SNX29: variants seen among roughly 807,000 people sequenced by gnomAD.
The protein encoded by SNX29 is sorting nexin-29.
SNX29 carries 78 observed loss-of-function variants against 102.1 expected under a neutral mutation model. The ratio of observed to expected loss-of-function variants is 0.76; its 90% CI spans 0.64 to 0.92. The LOEUF is 0.92. SNX29 is among the 40% of genes least tolerant of loss of function. SNX29 has a pLI of 0.00. For missense variants in SNX29, 1,280 were observed against 1,061.7 expected (o/e 1.21, Z -2.86); for synonymous variants, 580 against 414.5 (o/e 1.40, Z -4.85).
intron 15 of SNX29, among the ~76,000 whole-genome samples, chr16:12,307,702 G>A (rs1567421008): frequency 6.6e-6 from 1 of 152,226 alleles, no homozygotes; most frequent in Non-Finnish European, 1.5e-5. Context: ...AATCTGTCTT[G>A]AGGGCCTGCC....
At chr16:12,553,770 T>C (rs1011477014) in intron 20 of SNX29, among the ~76,000 whole-genome samples, 1 of 151,998 alleles carries the variant, frequency 6.6e-6, no homozygotes, top group African/African-American at 2.4e-5. Context: ...TTTCCTTAAG[T>C]ACAGACAGGG....
At chr16:12,117,226 A>G (rs1350862041) in intron 11 of SNX29, among the ~76,000 whole-genome samples, 47 of 144,678 alleles carry the variant, frequency 3.2e-4, no homozygotes, top group African/African-American at 1.1e-3. Context: ...GGCATGGTCA[A>G]TACGTGCTTC....
At chr16:12,435,984 C>A (rs914803076) in intron 18 of SNX29, among the ~76,000 whole-genome samples, 4 of 152,164 alleles carry the variant, frequency 2.6e-5, no homozygotes, top group African/African-American at 4.8e-5. Flanking sequence ...AGGGTCTGGG[C>A]CTTGGGGTTG....
chr16:12,291,370 GTCAGA>G (rs2079787417), intron 15 of SNX29, among the ~76,000 whole-genome samples: 2 of 152,166 alleles, frequency 1.3e-5, no homozygotes, highest in African/African-American at 4.8e-5. Flanking sequence ...TTATACAACT[GTCAGA>G]TCTCGTGAGA....
chr16:12,454,211 C>T (rs190399997), intron 18 of SNX29, among the ~76,000 whole-genome samples: 244 of 152,236 alleles, frequency 1.6e-3, no homozygotes, highest in African/African-American at 5.4e-3. Flanking sequence ...CTCCAGCAGC[C>T]GCCTTGGGCC....
intron 17 of SNX29, among the ~76,000 whole-genome samples, 160 bp downstream of exon 17, chr16:12,398,661 C>G (rs930787340): frequency 6.6e-6 from 1 of 152,082 alleles, no homozygotes; most frequent in Admixed American, 6.5e-5. Flanking sequence ...TCTCCTACAG[C>G]CTCAGTCTCG....
At chr16:12,123,663 C>T (rs1481633564) in intron 11 of SNX29, among the ~76,000 whole-genome samples, 2 of 152,170 alleles carry the variant, frequency 1.3e-5, no homozygotes, top group Non-Finnish European at 2.9e-5. Context: ...CAGCCAGCGG[C>T]CCCAACTGAT....
intron 20 of SNX29, among the ~76,000 whole-genome samples, chr16:12,564,888 G>T (rs1042140963): frequency 6.7e-5 from 10 of 149,744 alleles, no homozygotes; most frequent in African/African-American, 2.0e-4. Context: ...TGAGGATCCT[G>T]TGGGGAGGAG....
intron 13 of SNX29, among the ~76,000 whole-genome samples, chr16:12,190,113 G>A (rs2076605594): frequency 6.6e-6 from 1 of 152,172 alleles, no homozygotes; most frequent in Admixed American, 6.5e-5. Context: ...GGGTTATGGG[G>A]AGATTTGCTT....
chr16:11,999,321 A>G lies in SNX29; in HGVS notation c.32A>G (p.Gln11Arg), dbSNP rs1567509924. 1 of 1,614,136 alleles carries G rather than the reference A, an allele frequency of 6.2e-7. No homozygotes were observed. ...GGATCACAGAACAATGACAAAAGAC[A>G]ATTTCTGCTGGAGCGACTGCTGGAT... Reference protein sequence around the residue: MSGSQNNDKRQFLLERLLDAV... With the variant: MSGSQNNDKRRFLLERLLDAV... The change falls in exon 2 of 21, where the codon CAA becomes CGA. Residue 11 changes from glutamine (Q) to arginine (R), a missense_variant. Coordinates refer to ENST00000566228, the MANE Select transcript of SNX29 (RefSeq NM_032167.5).
chr16:11,999,253 G>A, intron 1 of SNX29, 44 bp from the exon 2 acceptor site: 1 of 1,597,460 alleles, frequency 6.3e-7, no homozygotes, highest in South Asian at 1.1e-5. Flanking sequence ...GGACAGCCGT[G>A]TCCGAGCGTC....
Position 12,573,837 on chromosome 16 carries a change from G to C in SNX29, c.*5208G>C, listed in dbSNP as rs909380088. 1 of 214,406 alleles carries C rather than the reference G, an allele frequency of 4.7e-6. No homozygotes were observed. The highest frequency in any genetic ancestry group is 2.3e-5 in the African/African-American group (1 of 44,252). 13.3% of individuals were successfully genotyped at this position (214,406 alleles called of 1,614,324 possible). On this transcript the variant is annotated 3_prime_UTR_variant, in exon 21 of 21. Transcript: ENST00000566228. ...AGCTAATTGGAATTTTTATTATCCA[G>C]GACTCATCCTAAGAAGAATGTTGGC...
intron 20 of SNX29, chr16:12,527,294 C>G (rs2076811796): frequency 3.8e-6 from 2 of 532,040 alleles, no homozygotes; most frequent in African/African-American, 1.9e-5. Context: ...CATGTGCTGC[C>G]CACAGAAAGC....
intron 4 of SNX29, among the ~76,000 whole-genome samples, chr16:12,033,254 A>G (rs1465143448): frequency 6.6e-6 from 1 of 151,778 alleles, no homozygotes; most frequent in Non-Finnish European, 1.5e-5. Context: ...ATATATATAT[A>G]TGTATGTATA....
intron 19 of SNX29, among the ~76,000 whole-genome samples, chr16:12,483,381 G>C (rs570359656): frequency 3.4e-5 from 5 of 148,726 alleles, no homozygotes; most frequent in Non-Finnish European, 7.4e-5. Context: ...GCAGTGGTGT[G>C]ATCTCAGCTC....
chr16:12,104,822 AT>A (rs1301779804), intron 11 of SNX29, among the ~76,000 whole-genome samples: 1 of 152,214 alleles, frequency 6.6e-6, no homozygotes, highest in Non-Finnish European at 1.5e-5. Context: ...ATTGTTGTGC[AT>A]TGTATGCAGA....
At chr16:12,237,145 A>T (rs891276378) in intron 14 of SNX29, among the ~76,000 whole-genome samples, 8 of 152,176 alleles carry the variant, frequency 5.3e-5, no homozygotes, top group African/African-American at 1.9e-4. Flanking sequence ...CCCAGTCTCC[A>T]GAGTAGGCAG....
At chr16:12,286,245 C>T (rs531823062) in intron 15 of SNX29, among the ~76,000 whole-genome samples, 6 of 151,862 alleles carry the variant, frequency 4.0e-5, no homozygotes, top group Non-Finnish European at 8.8e-5. Flanking sequence ...TAAGTGTCTC[C>T]TATATATCAG....
intron 1 of SNX29, among the ~76,000 whole-genome samples, chr16:11,987,688 C>G (rs139707356): frequency 6.6e-6 from 1 of 152,146 alleles, no homozygotes; most frequent in African/African-American, 2.4e-5. Context: ...AGCCAGCATG[C>G]CTGATTCTGA....
Sources: gnomAD v4.1 joint callset for allele counts (sites outside exome capture counted in the v4.1 genomes callset) on GRCh38, gnomAD v4.1.1 for gene constraint, MANE v1.5 for transcripts, NCBI Gene and HGNC (gene_info 2026-07-23, HGNC 2026-07-21) for gene names.